The following UBAP2 variants were observed in gnomAD, a reference collection of about 807,000 sequenced individuals.
UBAP2 encodes the protein ubiquitin-associated protein 2.
A neutral mutation model predicts 139.6 loss-of-function variants in UBAP2; 75 were observed. The observed-to-expected ratio is 0.54, with a 90% CI of 0.45 to 0.65. The LOEUF is 0.65. Ranked by LOEUF, UBAP2 falls within the 30% of genes least tolerant of loss-of-function variation. The pLI is 0.00. For synonymous variants in UBAP2, 526 were observed against 526.2 expected, an observed-to-expected ratio of 1.00 and a Z score of 0.01; for missense variants, 1,368 against 1,369.6, an observed-to-expected ratio of 1.00 and a Z score of 0.02.
intron 22 of UBAP2, among the ~76,000 whole-genome samples, chr9:33,925,382 G>T (rs1394143502): frequency 6.6e-6 from 1 of 152,158 alleles, no homozygotes; most frequent in Admixed American, 6.5e-5. Flanking sequence ...CTCCAGGCAG[G>T]AACTAGGCTC....
chr9:33,927,765 G>C (rs775307912), intron 20 of UBAP2, 32 bp downstream of exon 20: 15 of 1,580,958 alleles, frequency 9.5e-6, no homozygotes, highest in Middle Eastern at 4.2e-4. Flanking sequence ...AGGGGCTCAG[G>C]GGTGGGCAGG....
intron 1 of UBAP2, among the ~76,000 whole-genome samples, chr9:34,022,433 C>CTTTT (rs11387718): frequency 3.9e-4 from 44 of 112,336 alleles, no homozygotes; most frequent in East Asian, 7.8e-4. Context: ...AGCAAGACCC[C>CTTTT]TTTTTTTTTT....
intron 2 of UBAP2, among the ~76,000 whole-genome samples, chr9:34,014,093 G>A (rs765967691): frequency 6.6e-5 from 10 of 151,720 alleles, no homozygotes; most frequent in South Asian, 6.2e-4. Flanking sequence ...GAGATCAAGG[G>A]GGGGACAGAT....
At chr9:34,008,802 T>A (rs191344182) in intron 2 of UBAP2, among the ~76,000 whole-genome samples, 87 of 151,270 alleles carry the variant, frequency 5.8e-4, no homozygotes, top group African/African-American at 2.0e-3. Context: ...CCGTCTCTAC[T>A]GAAAAAACAA....
At chr9:33,968,683 T>C (rs1042071806) in intron 8 of UBAP2, among the ~76,000 whole-genome samples, 1 of 152,262 alleles carries the variant, frequency 6.6e-6, no homozygotes, top group African/African-American at 2.4e-5. Context: ...TCTATATTTT[T>C]ATATACAATA....
intron 2 of UBAP2, among the ~76,000 whole-genome samples, chr9:34,007,631 T>C (rs1444638021): frequency 6.7e-6 from 1 of 150,062 alleles, no homozygotes; most frequent in African/African-American, 2.4e-5. Context: ...TTTTTTGTCC[T>C]TGTATGTTTT....
Position 33,986,783 on chromosome 9 carries a change from C to T in UBAP2, c.497G>A (p.Arg166His), listed in dbSNP as rs560575762. The part of the protein sequence containing the change: ...DCNQVDKPSD[R>H]GKRARGRGFG... Reference sequence around the variant, plus strand: ...ACCTCTACCCCGGGCTCGCTTGCCACGATCTGAAGGTTTGTCCACTTGATT... The same window carrying T: ...ACCTCTACCCCGGGCTCGCTTGCCATGATCTGAAGGTTTGTCCACTTGATT... Residue 166 changes from arginine (R) to histidine (H), a missense_variant, in exon 6 of 29, where the codon CGT becomes CAT. Physicochemically the swap from Arg to His is conservative, Grantham distance 29 (BLOSUM62 0). Transcript: ENST00000379238. 46 of 1,614,058 alleles carry T rather than the reference C, an allele frequency of 2.8e-5. No homozygotes were observed. The South Asian group carries it at 4.2e-4, about 15-fold the overall frequency.
At position 33,937,093 on chromosome 9, in the gene UBAP2, A is replaced by C. The variant is rs144736695; in HGVS notation, c.1930-1215T>G. The stretch of plus-strand genomic sequence containing the variant: ...GTAGGAAGGAGAACAATCCAACACA[A>C]ACTCTTTCTAAAAAATAAAGTGAGA... On this transcript the variant is annotated intron_variant, in intron 16 of 28. Transcript: ENST00000379238. Among the ~76,000 whole-genome samples, 266 of 152,118 alleles carry C rather than the reference A, an allele frequency of 1.7e-3. 2 individuals carry two copies. Among genetic ancestry groups the C allele is most frequent in the African/African-American group, 6.3e-3 (260 of 41,482 alleles).
chr9:33,943,904 T>TAA (rs200097712), intron 14 of UBAP2, among the ~76,000 whole-genome samples: 2 of 145,396 alleles, frequency 1.4e-5, no homozygotes, highest in Non-Finnish European at 3.0e-5. Flanking sequence ...CTGTCTCATT[T>TAA]AAAAAAAAAA....
intron 1 of UBAP2, among the ~76,000 whole-genome samples, chr9:34,038,688 CTCTGCCCG>C (rs2131360102): frequency 6.6e-6 from 1 of 152,312 alleles, no homozygotes; most frequent in South Asian, 2.1e-4. Context: ...AGATTGTAGC[CTCTGCCCG>C]GCCGCCACCC....
At chr9:34,002,014 T>A (rs1822750338) in intron 2 of UBAP2, among the ~76,000 whole-genome samples, 1 of 150,818 alleles carries the variant, frequency 6.6e-6, no homozygotes, top group Non-Finnish European at 1.5e-5. Flanking sequence ...TGGAATGCAG[T>A]GGCACAATCA....
intron 10 of UBAP2, among the ~76,000 whole-genome samples, chr9:33,959,173 A>G (rs1430253310): frequency 6.6e-6 from 1 of 151,984 alleles, no homozygotes; most frequent in African/African-American, 2.4e-5. Flanking sequence ...AAATTAAAGT[A>G]CTTATTTTTT....
chr9:33,979,981 G>A lies in UBAP2; in HGVS notation c.521-6744C>T, dbSNP rs141862182. Among the ~76,000 whole-genome samples, 778 of 151,942 alleles carry A rather than the reference G, an allele frequency of 5.1e-3. 5 individuals carry two copies. Among genetic ancestry groups the A allele is most frequent in the Non-Finnish European group, 8.0e-3 (543 of 67,958 alleles). Reference sequence around the variant, plus strand: ...CCAGCTACTCGGGAGGCTAAGGCAGGAGAATTGCTTGAACCTGGGAGGTGG... The same window carrying A: ...CCAGCTACTCGGGAGGCTAAGGCAGAAGAATTGCTTGAACCTGGGAGGTGG... On this transcript the variant is annotated intron_variant, in intron 6 of 28. Coordinates refer to ENST00000379238, the MANE Select transcript of UBAP2 (RefSeq NM_001370062.2).
At chr9:34,028,361 C>CTTCT (rs1554691789) in intron 1 of UBAP2, among the ~76,000 whole-genome samples, 1 of 144,020 alleles carries the variant, frequency 6.9e-6, no homozygotes, top group South Asian at 2.2e-4. Context: ...TAAACCCTGT[C>CTTCT]TTATTTATTT....
intron 11 of UBAP2, among the ~76,000 whole-genome samples, chr9:33,955,512 T>C (rs759699957): frequency 7.4e-6 from 1 of 135,176 alleles, no homozygotes; most frequent in Non-Finnish European, 1.6e-5. Context: ...AGAGTGAGAC[T>C]CCGTCTCAAA....
intron 1 of UBAP2, among the ~76,000 whole-genome samples, chr9:34,019,507 T>C (rs1380028423): frequency 1.3e-5 from 2 of 151,890 alleles, no homozygotes; most frequent in Non-Finnish European, 2.9e-5. Context: ...TACCAGAGGC[T>C]GGGGGTAGGG....
chr9:33,977,047 T>A (rs914753860), intron 6 of UBAP2, among the ~76,000 whole-genome samples: 3 of 148,694 alleles, frequency 2.0e-5, no homozygotes, highest in Admixed American at 1.3e-4. Context: ...TATTTATTTT[T>A]TTTTTTTTTG....
In UBAP2 at chr9:33,960,864, A is replaced by G. The variant is rs372173073; in HGVS notation, c.760T>C (p.Ser254Pro). The G allele has an allele frequency of 1.9e-6, 3 of 1,614,150 alleles. No individual in the cohort carries two copies. Among genetic ancestry groups the G allele is most frequent in the Non-Finnish European group, 2.5e-6 (3 of 1,180,030 alleles). ...TCTTCTGTTGTCCACTCTTCCACAG[A>G]ATTCTTCCAAGCCCCTGTTGGGAAA... ...SYGLKGAWKNSVEEWTTEDWT... is the reference protein window; with the variant it reads ...SYGLKGAWKNPVEEWTTEDWT... The change falls in exon 10 of 29, where the codon TCT (serine) becomes CCT (proline). Residue 254 changes from serine (S) to proline (P), a missense_variant. Transcript: ENST00000379238.
At chr9:33,946,887 C>T (rs1446051000) in intron 13 of UBAP2, among the ~76,000 whole-genome samples, 2 of 152,160 alleles carry the variant, frequency 1.3e-5, no homozygotes, top group African/African-American at 2.4e-5. Flanking sequence ...TAGGGACCTA[C>T]AATTCCTCTC....
Sources: allele counts gnomAD v4.1 joint callset (sites outside exome capture counted in the v4.1 genomes callset), GRCh38; gene constraint gnomAD v4.1.1; transcripts MANE v1.5; gene names NCBI Gene and HGNC (gene_info 2026-07-23, HGNC 2026-07-21).